Variants in PTPRM observed in about 807,000 individuals in gnomAD.
The protein encoded by PTPRM is receptor-type tyrosine-protein phosphatase mu.
In PTPRM, 47 loss-of-function variants were observed where a neutral mutation model predicts 186.7. The ratio of observed to expected loss-of-function variants is 0.25; its 90% CI spans 0.20 to 0.32. The LOEUF (loss-of-function observed/expected upper bound fraction) is 0.32, where lower values mean the gene tolerates loss of function less well. PTPRM is among the 10% of genes least tolerant of loss of function. The pLI is 1.00. For missense variants in PTPRM, 1,494 were observed against 1,865.0 expected, an observed-to-expected ratio of 0.80 and a Z score of 3.66; for synonymous variants, 668 against 674.9, an observed-to-expected ratio of 0.99 and a Z score of 0.16.
intron 14 of PTPRM, among the ~76,000 whole-genome samples, chr18:8,211,966 T>C (rs569744395): frequency 1.4e-4 from 22 of 151,824 alleles, no homozygotes; most frequent in African/African-American, 4.6e-4. Context: ...TGTGACCAGG[T>C]GTCAGGGGTA....
At position 7,567,660 on chromosome 18, in the gene PTPRM, T is replaced by G; in HGVS notation, c.-159T>G. 1.7e-6 allele frequency: 1 copy of G among 581,264 alleles called. No homozygotes were observed. The highest frequency in any genetic ancestry group is 2.8e-6 in the Non-Finnish European group (1 of 359,714). The allele number at this position is 581,264 out of a possible 1,614,324, so 36.0% of individuals were successfully genotyped here. ...GCCCGCGCCCCTGGAGCCGCTGGAG[T>G]TCGGACTTCTGCAACTGTTGGCACT... is the stretch of plus-strand genomic sequence containing the variant. On this transcript the variant is annotated 5_prime_UTR_variant, in exon 1 of 33. Coordinates refer to ENST00000580170, the MANE Select transcript of PTPRM (RefSeq NM_001105244.2). The surrounding 1 kb of genome is among the most constrained non-coding windows in gnomAD (Gnocchi z 4.3).
chr18:7,990,335 G>C (rs2083199355), intron 7 of PTPRM, among the ~76,000 whole-genome samples: 3 of 152,126 alleles, frequency 2.0e-5, no homozygotes, highest in Admixed American at 2.0e-4. Flanking sequence ...CGCTAAGTGT[G>C]TTCTGTGGTT....
intron 1 of PTPRM, among the ~76,000 whole-genome samples, chr18:7,631,700 G>A (rs1438431526): frequency 6.6e-6 from 1 of 152,124 alleles, no homozygotes; most frequent in South Asian, 2.1e-4. Context: ...TTTATGTGTG[G>A]CCCAAGACAA....
At chr18:7,924,810 C>T (rs962809234) in intron 4 of PTPRM, among the ~76,000 whole-genome samples, 5 of 152,084 alleles carry the variant, frequency 3.3e-5, no homozygotes, top group South Asian at 2.1e-4. Flanking sequence ...TGAAAATTCC[C>T]GCAGGCAGAC....
intron 14 of PTPRM, among the ~76,000 whole-genome samples, chr18:8,165,880 G>A (rs2093316279): frequency 6.6e-6 from 1 of 152,128 alleles, no homozygotes; most frequent in South Asian, 2.1e-4. Flanking sequence ...TTTTTTAAAT[G>A]TAAGAAAAGA....
chr18:7,752,549 G>T (rs1006893562), intron 1 of PTPRM, among the ~76,000 whole-genome samples: 1 of 151,872 alleles, frequency 6.6e-6, no homozygotes, highest in East Asian at 1.9e-4. Context: ...TCAGCCTCCC[G>T]AGTAGCTGGG....
intron 7 of PTPRM, among the ~76,000 whole-genome samples, chr18:8,020,132 G>A (rs768337022): frequency 2.0e-5 from 3 of 151,972 alleles, no homozygotes; most frequent in African/African-American, 4.8e-5. Flanking sequence ...TATTTTTATC[G>A]AATTAGTTGT....
intron 1 of PTPRM, among the ~76,000 whole-genome samples, chr18:7,590,489 AG>A (rs1253649709): frequency 6.6e-6 from 1 of 152,192 alleles, no homozygotes; most frequent in Non-Finnish European, 1.5e-5. Flanking sequence ...ATGTCTCCTG[AG>A]GAAATAAGAG....
intron 2 of PTPRM, among the ~76,000 whole-genome samples, chr18:7,840,447 C>T (rs1420771435): frequency 6.6e-6 from 1 of 152,178 alleles, no homozygotes; most frequent in Non-Finnish European, 1.5e-5. Context: ...TTTTGAAGCA[C>T]TTGTTTGCTA....
chr18:7,720,271 A>G (rs2040422093), intron 1 of PTPRM, among the ~76,000 whole-genome samples: 1 of 152,182 alleles, frequency 6.6e-6, no homozygotes, highest in Non-Finnish European at 1.5e-5. Context: ...AAGACCTGAC[A>G]GTAGAAGAGT....
chr18:7,707,998 T>C lies in PTPRM; in HGVS notation c.74-66151T>C, dbSNP rs369142878. Among the ~76,000 whole-genome samples, 4 of 152,374 alleles carry C rather than the reference T, an allele frequency of 2.6e-5. No individual in the cohort carries two copies. The East Asian group carries it at 5.8e-4, about 22-fold the overall frequency. ...TAATATTCTGTATCCAGAATTACTTTAGCACTAGAATATTGCAGAATATGC... is the reference window on the plus strand; with the variant it reads ...TAATATTCTGTATCCAGAATTACTTCAGCACTAGAATATTGCAGAATATGC... On this transcript the variant is annotated intron_variant, in intron 1 of 32. Coordinates refer to ENST00000580170, the MANE Select transcript of PTPRM (RefSeq NM_001105244.2).
chr18:8,088,395 A>G (rs1030439932), intron 10 of PTPRM, among the ~76,000 whole-genome samples: 2 of 152,248 alleles, frequency 1.3e-5, no homozygotes, highest in African/African-American at 2.4e-5. Context: ...GAGAATTCAT[A>G]TGTACAGAAA....
chr18:8,004,383 TACTC>T (rs921669479), intron 7 of PTPRM, among the ~76,000 whole-genome samples: 2 of 152,032 alleles, frequency 1.3e-5, no homozygotes, highest in African/African-American at 4.8e-5. Context: ...GTAGAAAAAT[TACTC>T]AGGCAATTCA....
intron 3 of PTPRM, among the ~76,000 whole-genome samples, chr18:7,890,415 G>A (rs1476176635): frequency 1.3e-5 from 2 of 152,042 alleles, no homozygotes; most frequent in Non-Finnish European, 2.9e-5. Context: ...TCTCTCCCTG[G>A]ACTGATGAAT....
At chr18:8,384,531 T>C in intron 29 of PTPRM, 30 bp from the exon 30 acceptor site, 2 of 1,612,672 alleles carry the variant, frequency 1.2e-6, no homozygotes, top group Non-Finnish European at 1.7e-6. Flanking sequence ...CTCTTATAAC[T>C]AACCTTGTGT....
chr18:7,823,395 C>A (rs996969834), intron 2 of PTPRM, among the ~76,000 whole-genome samples: 10 of 152,158 alleles, frequency 6.6e-5, no homozygotes, highest in African/African-American at 2.2e-4. Flanking sequence ...GACAGGGGTG[C>A]CCAGCAGGCA....
In PTPRM at chr18:8,032,402, TA is replaced by T. The variant is rs1220700246; in HGVS notation, c.1133-37282del. Among the ~76,000 whole-genome samples, 14 of 152,306 alleles carry T rather than the reference TA, an allele frequency of 9.2e-5. 1 individual carries two copies. In the East Asian group the frequency reaches 2.5e-3, roughly 27 times the overall value. On this transcript the variant is annotated intron_variant, in intron 7 of 32. Transcript: ENST00000580170. ...TCCACTGCTATTCCTAGCTTTCCTA[TA>T]ATCTTCATAGAAAATGTAATTAAGA...
At chr18:8,180,597 C>T (rs974838867) in intron 14 of PTPRM, among the ~76,000 whole-genome samples, 1 of 152,160 alleles carries the variant, frequency 6.6e-6, no homozygotes. Context: ...TGTTCGAATG[C>T]GCAGTGGCCT....
chr18:7,973,280 A>G (rs1221768226), intron 7 of PTPRM, among the ~76,000 whole-genome samples: 1 of 152,192 alleles, frequency 6.6e-6, no homozygotes, highest in African/African-American at 2.4e-5. Context: ...CCAAAGATAT[A>G]TGCATTTAAG....
Sources: gnomAD v4.1 joint callset for allele counts (sites outside exome capture counted in the v4.1 genomes callset) on GRCh38, gnomAD v4.1.1 for gene constraint, Gnocchi (gnomAD v3.1) non-coding constraint, MANE v1.5 for transcripts, NCBI Gene and HGNC (gene_info 2026-07-23, HGNC 2026-07-21) for gene names.